The following BACE2 variants were observed in gnomAD, a reference collection of about 807,000 sequenced individuals.
BACE2 encodes beta-secretase 2, also known as 56 kDa aspartic-like protease.
Under a neutral mutation model 46.2 loss-of-function variants are expected in BACE2, and 17 were observed. That is an observed-to-expected ratio of 0.37 (90% confidence interval 0.25 to 0.55). The LOEUF (loss-of-function observed/expected upper bound fraction) is 0.55. BACE2 is among the 20% of genes least tolerant of loss of function. The pLI is 0.82. For synonymous variants in BACE2, 277 were observed against 295.9 expected (o/e 0.94, Z 0.66); for missense variants, 595 against 698.1 (o/e 0.85, Z 1.66).
At chr21:41,202,216 T>C (rs1985986827) in intron 1 of BACE2, among the ~76,000 whole-genome samples, 1 of 152,244 alleles carries the variant, frequency 6.6e-6, no homozygotes, top group Admixed American at 6.5e-5. Context: ...AGATGTTTGA[T>C]TAGGGGATTG....
rs116248613 is a variant in BACE2 at position 41,271,601 on chromosome 21, A to G, written c.1304-3770A>G. Among the ~76,000 whole-genome samples the G allele has an allele frequency of 5.4e-3, 824 of 151,548 alleles. 7 individuals are homozygous for G. The highest frequency in any genetic ancestry group is 0.019 in the African/African-American group (802 of 41,292). ...CTTTTTTGCTGCCTTCTTTTGGATTATTTTCTATTTCTTTATATCTCCTTG... is the reference window on the plus strand; with the variant it reads ...CTTTTTTGCTGCCTTCTTTTGGATTGTTTTCTATTTCTTTATATCTCCTTG... On this transcript the variant is annotated intron_variant, in intron 8 of 8. Transcript: ENST00000330333.
chr21:41,214,550 A>C (rs1003520883), intron 1 of BACE2, among the ~76,000 whole-genome samples: 3 of 152,228 alleles, frequency 2.0e-5, no homozygotes, highest in Non-Finnish European at 4.4e-5. Flanking sequence ...TAGATCATCT[A>C]AACTCTTTTA....
chr21:41,257,049 C>T (rs1011538668), intron 7 of BACE2, 109 bp from the exon 8 acceptor site: 2 of 1,239,476 alleles, frequency 1.6e-6, no homozygotes, highest in African/African-American at 3.0e-5. Flanking sequence ...CCGTGACTCC[C>T]CCCAGCGCCT....
intron 3 of BACE2, 102 bp downstream of exon 3, chr21:41,237,831 ACAGT>A (rs1316401921): frequency 1.6e-5 from 14 of 895,038 alleles, no homozygotes; most frequent in Admixed American, 2.2e-5. Flanking sequence ...GTTCTTGGAG[ACAGT>A]GAGAACCACG....
chr21:41,260,006 A>G (rs1025014400), intron 8 of BACE2, among the ~76,000 whole-genome samples: 1 of 150,594 alleles, frequency 6.6e-6, no homozygotes, highest in Non-Finnish European at 1.5e-5. Flanking sequence ...AATTTTTTGT[A>G]TTTTCTCTAG....
chr21:41,282,227 T>G lies in BACE2; in HGVS notation c.*6603T>G, dbSNP rs2088555058. The G allele has an allele frequency of 6.6e-6, 1 of 152,242 alleles. No homozygotes were observed. Among genetic ancestry groups the G allele is most frequent in the African/African-American group, 2.4e-5 (1 of 41,458 alleles). 9.4% of individuals were successfully genotyped at this position (152,242 alleles called of 1,614,324 possible). ...TTAATACAAGTTTCTTAAGTGTAAC[T>G]TGTATTTCTGAAAATGCTTAAAATT... On this transcript the variant is annotated 3_prime_UTR_variant, in exon 9 of 9. Coordinates refer to ENST00000330333, the MANE Select transcript of BACE2 (RefSeq NM_012105.5).
At chr21:41,185,739 G>A (rs905034268) in intron 1 of BACE2, among the ~76,000 whole-genome samples, 2 of 152,092 alleles carry the variant, frequency 1.3e-5, no homozygotes, top group African/African-American at 4.8e-5. Context: ...GGATGCCCTC[G>A]CCAAAGCAGC....
At chr21:41,215,605 T>G (rs1035564445) in intron 1 of BACE2, among the ~76,000 whole-genome samples, 2 of 152,154 alleles carry the variant, frequency 1.3e-5, no homozygotes, top group Non-Finnish European at 2.9e-5. Flanking sequence ...TTGTTAGTTG[T>G]GATTGTGTTC....
intron 1 of BACE2, among the ~76,000 whole-genome samples, chr21:41,200,585 T>C (rs1350797622): frequency 6.6e-6 from 1 of 152,168 alleles, no homozygotes; most frequent in African/African-American, 2.4e-5. Context: ...CTCAAATTTA[T>C]ACGTTGAAGT....
At chr21:41,208,924 T>C (rs733928) in intron 1 of BACE2, among the ~76,000 whole-genome samples, 55,306 of 151,850 alleles carry the variant, frequency 0.36, 10,455 homozygotes, top group Middle Eastern at 0.53. Flanking sequence ...CCTGCCAGGG[T>C]GGGATTAAAA....
rs1214624275 is a variant in BACE2, at chr21:41,277,542, C to T, written c.*1918C>T. 1 of 152,168 alleles carries T rather than the reference C, an allele frequency of 6.6e-6. No individual in the cohort carries two copies. The highest frequency in any genetic ancestry group is 1.5e-5 in the Non-Finnish European group (1 of 68,048). The allele number at this position is 152,168 out of a possible 1,614,324, so 9.4% of individuals were successfully genotyped here. On this transcript the variant is annotated 3_prime_UTR_variant, in exon 9 of 9. Coordinates refer to ENST00000330333, the MANE Select transcript of BACE2 (RefSeq NM_012105.5). Reference sequence around the variant, plus strand: ...TTTCCGTGGTTGCTGTTTTGTGGGCCGCTTTGCACAGGAGTGAAGCCAACA... The same window carrying T: ...TTTCCGTGGTTGCTGTTTTGTGGGCTGCTTTGCACAGGAGTGAAGCCAACA...
At chr21:41,265,621 A>G (rs905535080) in intron 8 of BACE2, among the ~76,000 whole-genome samples, 11 of 152,162 alleles carry the variant, frequency 7.2e-5, no homozygotes, top group African/African-American at 2.7e-4. Context: ...CTACCCACTC[A>G]TATCTTTGCC....
intron 1 of BACE2, chr21:41,180,699 T>A (rs1156328230): frequency 1.2e-5 from 2 of 167,136 alleles, no homozygotes; most frequent in Non-Finnish European, 2.9e-5. Flanking sequence ...TTTTGATGGT[T>A]GACCAGATAT....
chr21:41,237,717 C>T lies in BACE2; in HGVS notation c.606C>T (p.Ala202=). 6 of 1,613,418 alleles carry T rather than the reference C, an allele frequency of 3.7e-6. No homozygotes were observed. Among genetic ancestry groups the T allele is most frequent in the Non-Finnish European group, 5.1e-6 (6 of 1,179,384 alleles). The part of the protein sequence containing the change: ...KWNGILGLAY[A]TLAKPSSSLE... The stretch of plus-strand genomic sequence containing the variant: ...ATGGAATACTTGGCCTAGCTTATGC[C>T]ACACTTGCCAAGGTAAGGCTAATCC... Residue 202 remains alanine (A), a synonymous_variant, in exon 3 of 9, where the codon GCC becomes GCT. Coordinates refer to ENST00000330333, the MANE Select transcript of BACE2 (RefSeq NM_012105.5).
chr21:41,247,575 C>CGGA, intron 6 of BACE2, among the ~76,000 whole-genome samples: 1 of 152,322 alleles, frequency 6.6e-6, no homozygotes, highest in Non-Finnish European at 1.5e-5. Context: ...GTCTGTCCAC[C>CGGA]ATCCCGAGGA....
intron 1 of BACE2, among the ~76,000 whole-genome samples, chr21:41,198,849 TTTTATTTATTTA>T (rs3838112): frequency 7.6e-4 from 106 of 140,106 alleles, no homozygotes; most frequent in Non-Finnish European, 9.1e-4. Flanking sequence ...TCTGTACGCT[TTTTATTTATTTA>T]TTTATTTATT....
At chr21:41,184,193 G>A (rs555574529) in intron 1 of BACE2, 10 of 167,038 alleles carry the variant, frequency 6.0e-5, no homozygotes, top group African/African-American at 2.4e-4. Context: ...GCCCTTCTGG[G>A]GTGTCTGGGC....
intron 5 of BACE2, among the ~76,000 whole-genome samples, chr21:41,244,893 ATG>A (rs58052575): frequency 1.2e-3 from 171 of 144,674 alleles, no homozygotes; most frequent in African/African-American, 3.2e-3. Flanking sequence ...GTGTGTGTGT[ATG>A]TGTGTGTGTG....
At chr21:41,191,195 C>A (rs1368492244) in intron 1 of BACE2, among the ~76,000 whole-genome samples, 1 of 152,184 alleles carries the variant, frequency 6.6e-6, no homozygotes, top group Non-Finnish European at 1.5e-5. Flanking sequence ...TTGTCCCAGG[C>A]ATGCAAAGTA....
Sources: gnomAD v4.1 joint callset for allele counts (sites outside exome capture counted in the v4.1 genomes callset) on GRCh38, gnomAD v4.1.1 for gene constraint, MANE v1.5 for transcripts, NCBI Gene and HGNC (gene_info 2026-07-23, HGNC 2026-07-21) for gene names.